The following ZC3H13 variants were observed in gnomAD, a reference collection of about 807,000 sequenced individuals.
The protein encoded by ZC3H13 is zinc finger CCCH domain-containing protein 13.
Under a neutral mutation model 204.1 loss-of-function variants are expected in ZC3H13, and 64 were observed. The observed-to-expected ratio is 0.31, with a 90% CI of 0.26 to 0.39. ZC3H13 has a LOEUF of 0.39. Among genes scored for constraint, ZC3H13 ranks in the 10% least tolerant of loss-of-function variants. ZC3H13 has a pLI of 1.00. For synonymous variants in ZC3H13, 667 were observed against 693.7 expected, an observed-to-expected ratio of 0.96 and a Z score of 0.60; for missense variants, 1,833 against 2,082.7, an observed-to-expected ratio of 0.88 and a Z score of 2.33.
chr13:45,963,021 T>C, intron 17 of ZC3H13: 1 of 985,444 alleles, frequency 1.0e-6, no homozygotes, highest in Non-Finnish European at 1.2e-6. Context: ...GATAGGATAT[T>C]TTCAAAGTAG....
chr13:45,985,111 C>G (rs1289327434), intron 10 of ZC3H13, among the ~76,000 whole-genome samples, 186 bp downstream of exon 10: 2 of 152,144 alleles, frequency 1.3e-5, no homozygotes, highest in Non-Finnish European at 2.9e-5. Context: ...GCTCAAGCTC[C>G]ATTTATCTTT....
intron 8 of ZC3H13, among the ~76,000 whole-genome samples, chr13:45,992,797 A>C (rs1351291908): frequency 6.6e-6 from 1 of 152,186 alleles, no homozygotes; most frequent in Non-Finnish European, 1.5e-5. Context: ...GAACAGAACA[A>C]AAAGGTGAAG....
intron 16 of ZC3H13, 120 bp downstream of exon 16, chr13:45,965,160 A>G: frequency 7.8e-7 from 1 of 1,289,902 alleles, no homozygotes; most frequent in Non-Finnish European, 1.0e-6. Context: ...AACCTTAAGT[A>G]AAATGTAAAA....
In ZC3H13 at chr13:45,967,761, A is replaced by G. The variant is rs1952215987; in HGVS notation, c.4064T>C (p.Leu1355Ser). The change falls in exon 15 of 19, where the codon TTG becomes TCG. Residue 1355 changes from leucine to serine, a missense_variant. Physicochemically the swap from Leu to Ser is moderately radical, Grantham distance 145 (BLOSUM62 -2). Coordinates refer to ENST00000679008, the MANE Select transcript of ZC3H13 (RefSeq NM_001330564.2). ...RERERDKRRD[L>S]DRERERLISD... ...AATTAGTCTCTCTCTTTCCCTATCC[A>G]AGTCTCTCCTTTTGTCTCGTTCTCT... 6.2e-7 allele frequency: 1 copy of G among 1,612,150 alleles called. No individual in the cohort carries two copies. The highest frequency in any genetic ancestry group is 8.5e-7 in the Non-Finnish European group (1 of 1,179,060).
intron 5 of ZC3H13, among the ~76,000 whole-genome samples, chr13:46,016,420 G>T (rs960729217): frequency 4.6e-5 from 7 of 152,126 alleles, no homozygotes; most frequent in Non-Finnish European, 1.5e-5. Flanking sequence ...ATTAATGAAT[G>T]ATATGTGAAA....
chr13:45,984,950 CTTTAA>C (rs1457240227), intron 10 of ZC3H13, among the ~76,000 whole-genome samples: 2 of 152,158 alleles, frequency 1.3e-5, no homozygotes, highest in Non-Finnish European at 1.5e-5. Context: ...TTTAATCCTA[CTTTAA>C]TTTAATGAAC....
intron 8 of ZC3H13, among the ~76,000 whole-genome samples, chr13:45,993,344 T>C (rs2040100700): frequency 6.6e-6 from 1 of 152,244 alleles, no homozygotes; most frequent in African/African-American, 2.4e-5. Context: ...TCAGGGTGAC[T>C]ACTCTAGGTT....
intron 11 of ZC3H13, 62 bp from the exon 12 acceptor site, chr13:45,975,900 C>G: frequency 2.0e-6 from 3 of 1,503,422 alleles, no homozygotes; most frequent in Non-Finnish European, 2.6e-6. Flanking sequence ...GGTAAGACAG[C>G]ATGGTAAATC....
chr13:45,963,273 C>T (rs1301632326), intron 17 of ZC3H13: 5 of 986,072 alleles, frequency 5.1e-6, no homozygotes, highest in African/African-American at 1.7e-5. Flanking sequence ...AACCTACACA[C>T]CTGCATTTGG....
At chr13:46,028,001 A>C (rs2042644003) in intron 4 of ZC3H13, among the ~76,000 whole-genome samples, 1 of 152,206 alleles carries the variant, frequency 6.6e-6, no homozygotes, top group Non-Finnish European at 1.5e-5. Context: ...TTTAAACATC[A>C]ATGGTCTAAA....
intron 12 of ZC3H13, among the ~76,000 whole-genome samples, chr13:45,973,885 A>G (rs1455990277): frequency 1.3e-5 from 2 of 152,222 alleles, no homozygotes; most frequent in African/African-American, 4.8e-5. Context: ...GGGAAGCAGG[A>G]AAGTAATCCA....
intron 4 of ZC3H13, among the ~76,000 whole-genome samples, chr13:46,041,135 T>C (rs2043553413): frequency 6.6e-6 from 1 of 152,106 alleles, no homozygotes; most frequent in Non-Finnish European, 1.5e-5. Context: ...TAAATGTTCA[T>C]AGCAGCATTA....
chr13:46,007,076 A>C (rs2041209329), intron 7 of ZC3H13, among the ~76,000 whole-genome samples: 1 of 152,160 alleles, frequency 6.6e-6, no homozygotes, highest in African/African-American at 2.4e-5. Flanking sequence ...TTATCTTTTA[A>C]AATTTCATGA....
rs547505765 is a variant in ZC3H13 at position 45,963,146 on chromosome 13, C to T, written c.4675+696G>A. ...AAGTTGGTGGTATGATTATTCCTGA[C>T]TTACAGATGATGACACTAACACACA... On this transcript the variant is annotated intron_variant, in intron 17 of 18. Coordinates refer to ENST00000679008, the MANE Select transcript of ZC3H13 (RefSeq NM_001330564.2). 2.6e-5 allele frequency: 25 copies of T among 968,682 alleles called. No homozygotes were observed. The East Asian group carries it at 2.4e-3, about 93-fold the overall frequency. 60.0% of individuals were successfully genotyped at this position (968,682 alleles called of 1,614,324 possible).
At chr13:45,989,683 C>T (rs778092089) in intron 8 of ZC3H13, among the ~76,000 whole-genome samples, 1 of 152,188 alleles carries the variant, frequency 6.6e-6, no homozygotes, top group Non-Finnish European at 1.5e-5. Context: ...GCAGCACAAA[C>T]TGAGAGTTAG....
rs1335491013 is a variant in ZC3H13, at chr13:46,006,083, C to T, written c.747-2747G>A. On this transcript the variant is annotated intron_variant, in intron 7 of 18. Coordinates refer to ENST00000679008, the MANE Select transcript of ZC3H13 (RefSeq NM_001330564.2). ...CTGGGTGACAGAGTGGGACTCTGTC[C>T]CAAAAAAAAAAAAAAAAGTTGTTCA... 1.5e-3 allele frequency among the ~76,000 whole-genome samples: 226 copies of T among 146,282 alleles called. 1 individual carries two copies. Among genetic ancestry groups the T allele is most frequent in the African/African-American group, 5.5e-3 (218 of 39,618 alleles).
chr13:45,969,514 G>A lies in ZC3H13; in HGVS notation c.3030C>T (p.Ser1010=). 6.2e-7 allele frequency: 1 copy of A among 1,602,344 alleles called. No homozygotes were observed. Among genetic ancestry groups the A allele is most frequent in the Non-Finnish European group, 8.5e-7 (1 of 1,177,230 alleles). The part of the protein sequence containing the change: ...KKSIEKKRKK[S]KGDSDISDEE... ...CATCAGAAATATCAGAATCACCTTT[G>A]GATTTTTTACGTTTTTTTTCAATGC... Residue 1010 remains serine, a synonymous_variant, in exon 14 of 19, where the codon TCC becomes TCT. Coordinates refer to ENST00000679008, the MANE Select transcript of ZC3H13 (RefSeq NM_001330564.2).
chr13:45,989,166 T>C (rs774878760), intron 8 of ZC3H13, 69 bp from the exon 9 acceptor site: 6 of 1,436,658 alleles, frequency 4.2e-6, no homozygotes, highest in African/African-American at 1.4e-5. Flanking sequence ...GGAAAATCTT[T>C]AAAAACAAAA....
At chr13:45,999,779 A>G (rs777260136) in intron 8 of ZC3H13, among the ~76,000 whole-genome samples, 1 of 152,160 alleles carries the variant, frequency 6.6e-6, no homozygotes. Flanking sequence ...GATCCATCAG[A>G]GGAATCACTA....
Sources: allele counts gnomAD v4.1 joint callset (sites outside exome capture counted in the v4.1 genomes callset), GRCh38; gene constraint gnomAD v4.1.1; transcripts MANE v1.5; gene names NCBI Gene and HGNC (gene_info 2026-07-23, HGNC 2026-07-21).